Variants in C1QTNF9B observed in about 807,000 individuals in gnomAD.
C1QTNF9B encodes the protein complement C1q and tumor necrosis factor-related protein 9B.
A neutral mutation model predicts 10.1 loss-of-function variants in C1QTNF9B; 9 were observed. The ratio of observed to expected loss-of-function variants is 0.89; its 90% CI spans 0.53 to 1.55. The LOEUF is 1.55. Ranked by LOEUF, C1QTNF9B falls within the 40% of genes most tolerant of loss-of-function variation. The pLI is 0.00. For missense variants in C1QTNF9B, 196 were observed against 414.4 expected (o/e 0.47, Z 4.58); for synonymous variants, 79 against 159.9 (o/e 0.49, Z 3.82).
In C1QTNF9B at chr13:23,892,124, G is replaced by A. The variant is rs1872024838; in HGVS notation, c.230-63C>T. ...AAAGATTCCCTTGTGAACAACTTTG[G>A]TTTTTCTATAATTGAGCTCACAAAT... is the stretch of plus-strand genomic sequence containing the variant. On this transcript the variant is annotated intron_variant, in intron 2 of 2. Transcript: ENST00000382137. The A allele has an allele frequency of 4.1e-5, 66 of 1,595,658 alleles. No individual in the cohort carries two copies. The South Asian group carries it at 7.1e-4, about 17-fold the overall frequency.
chr13:23,894,319 A>G (rs1872122092), intron 1 of C1QTNF9B, 118 bp from the exon 4 acceptor site: 6 of 972,550 alleles, frequency 6.2e-6, no homozygotes, highest in Admixed American at 2.0e-5. Context: ...CCTGACGGGC[A>G]CTCTGTCCTC....
chr13:23,897,040 C>A (rs1397554351), upstream of C1QTNF9B: 1 of 1,570,720 alleles, frequency 6.4e-7, no homozygotes, highest in East Asian at 2.2e-5. Context: ...AGAGGAGAAA[C>A]CTTTGTTGCT....
exon 3 of C1QTNF9B, chr13:23,891,140 T>G (rs553729708): frequency 2.1e-5 from 16 of 765,896 alleles, no homozygotes; most frequent in African/African-American, 3.6e-5. Context: ...GTAAGTTACA[T>G]AGAATCAGTT....
Position 23,894,176 on chromosome 13 carries a change from C to T in C1QTNF9B, c.192G>A (p.Pro64=), listed in dbSNP as rs138844770. 1,250 of 1,532,558 alleles carry T rather than the reference C, an allele frequency of 8.2e-4. 10 individuals carry two copies. The African/African-American group carries it at 0.015, about 18-fold the overall frequency. The allele number at this position is 1,532,558 out of a possible 1,614,324, so 94.9% of individuals were successfully genotyped here. ...TCTCTCCACTCGTCCCATCCTTCCC[C>T]GGGCTGCCAGGACATCCTGGTTCTC... The change falls in exon 2 of 3, where the codon CCG becomes CCA. Residue 64 remains proline (P), a synonymous_variant. Coordinates refer to ENST00000382137, the Ensembl canonical transcript of C1QTNF9B.
chr13:23,895,249 G>C (rs1484471248), intron 1 of C1QTNF9B, among the ~76,000 whole-genome samples: 1 of 151,704 alleles, frequency 6.6e-6, no homozygotes, highest in African/African-American at 2.4e-5. Context: ...CCATTCTCTA[G>C]AGCAGTGGCC....
exon 3 of C1QTNF9B, chr13:23,891,373 T>C: frequency 6.3e-7 from 1 of 1,580,832 alleles, no homozygotes; most frequent in Middle Eastern, 1.7e-4. Context: ...TCTCTCCTCC[T>C]GTCACCTGCA....
intron 2 of C1QTNF9B, among the ~76,000 whole-genome samples, chr13:23,893,928 G>A (rs1397365647): frequency 3.3e-5 from 5 of 152,206 alleles, no homozygotes; most frequent in Non-Finnish European, 5.9e-5. Context: ...GGGAAGTTGA[G>A]TAGTGGTGAC....
At chr13:23,897,196 G>A (rs555708114), upstream of C1QTNF9B, 4 of 594,124 alleles carry the variant, frequency 6.7e-6, no homozygotes, top group African/African-American at 7.3e-5. Flanking sequence ...TCCTTGGAAG[G>A]TAACACTTGT....
In C1QTNF9B at chr13:23,894,108, A is replaced by T. The variant is rs556722280; in HGVS notation, c.229+31T>A. ...TATTGTTAAATAGTCGACAGCTCAGAATTAGAGCACCATAAATAGGAACTA... is the reference window on the plus strand; with the variant it reads ...TATTGTTAAATAGTCGACAGCTCAGTATTAGAGCACCATAAATAGGAACTA... On this transcript the variant is annotated intron_variant, in intron 2 of 2. Transcript: ENST00000382137. 63 of 1,427,828 alleles carry T rather than the reference A, an allele frequency of 4.4e-5. 1 individual carries two copies. In the South Asian group the frequency reaches 7.1e-4, roughly 16 times the overall value. 88.4% of individuals were successfully genotyped at this position (1,427,828 alleles called of 1,614,324 possible).
At chr13:23,891,918 C>T in exon 3 of C1QTNF9B, 2 of 1,614,022 alleles carry the variant, frequency 1.2e-6, no homozygotes, top group East Asian at 4.5e-5. Flanking sequence ...CCCTTATTCC[C>T]CTTCTGCCCC....
chr13:23,892,135 A>G, intron 2 of C1QTNF9B, 74 bp from the exon 5 acceptor site: 1 of 1,575,634 alleles, frequency 6.3e-7, no homozygotes, highest in Non-Finnish European at 8.6e-7. Flanking sequence ...TTTTTCTATA[A>G]TTGAGCTCAC....
chr13:23,897,246 A>G, upstream of C1QTNF9B: 1 of 501,294 alleles, frequency 2.0e-6, no homozygotes, highest in Non-Finnish European at 3.5e-6. Context: ...CAATAAAAAA[A>G]AGCCAAGTTT....
At chr13:23,896,496 G>A (rs574963678) in intron 1 of C1QTNF9B, among the ~76,000 whole-genome samples, 58 of 151,914 alleles carry the variant, frequency 3.8e-4, no homozygotes, top group African/African-American at 8.2e-4. Flanking sequence ...GTCACCTGAG[G>A]TGGGAGGATC....
intron 2 of C1QTNF9B, 52 bp downstream of exon 4, chr13:23,894,087 G>A (rs1347943413): frequency 7.4e-7 from 1 of 1,353,502 alleles, no homozygotes. Flanking sequence ...TGGTAATATT[G>A]TTAAATAGTC....
intron 2 of C1QTNF9B, 185 bp from the exon 5 acceptor site, chr13:23,892,246 T>TG: frequency 8.5e-7 from 1 of 1,178,382 alleles, no homozygotes; most frequent in Non-Finnish European, 1.2e-6. Flanking sequence ...CCTAGCACCT[T>TG]GGGAGACCGC....
At chr13:23,893,394 G>A (rs1386243492) in intron 2 of C1QTNF9B, among the ~76,000 whole-genome samples, 1 of 152,196 alleles carries the variant, frequency 6.6e-6, no homozygotes, top group East Asian at 1.9e-4. Context: ...AAGGTTCAAA[G>A]TTCAGCAAAC....
At chr13:23,896,694 A>G (rs112736360) in intron 1 of C1QTNF9B, 127 bp downstream of exon 3, 154,056 of 1,336,962 alleles carry the variant, frequency 0.12, 11,162 homozygotes, top group Non-Finnish European at 0.13. Flanking sequence ...GCTCCAGTGA[A>G]TGTTGCTGGG....
intron 1 of C1QTNF9B, 123 bp downstream of exon 3, chr13:23,896,698 T>A: frequency 6.9e-7 from 1 of 1,442,224 alleles, no homozygotes; most frequent in Non-Finnish European, 9.4e-7. Context: ...CAGTGAATGT[T>A]GCTGGGTGGA....
intron 1 of C1QTNF9B, 133 bp downstream of exon 3, chr13:23,896,688 C>G: frequency 3.0e-6 from 4 of 1,323,846 alleles, no homozygotes; most frequent in Non-Finnish European, 4.2e-6. Flanking sequence ...GGTCAGGCTC[C>G]AGTGAATGTT....
Sources: gnomAD v4.1 joint callset for allele counts (sites outside exome capture counted in the v4.1 genomes callset) on GRCh38, gnomAD v4.1.1 for gene constraint, MANE v1.5 for transcripts, NCBI Gene and HGNC (gene_info 2026-07-23, HGNC 2026-07-21) for gene names.